The following TNFRSF13B variants were observed in gnomAD, a reference collection of about 807,000 sequenced individuals.
TNFRSF13B encodes the protein TNF receptor superfamily member 13B.
Under a neutral mutation model 24.0 loss-of-function variants are expected in TNFRSF13B, and 34 were observed. The observed-to-expected ratio is 1.41, with a 90% CI of 1.08 to 1.88. TNFRSF13B has a LOEUF of 1.88. Ranked by LOEUF, TNFRSF13B falls within the 40% of genes most tolerant of loss-of-function variation. The pLI, the probability that TNFRSF13B is intolerant of heterozygous loss-of-function variation, is 0.00. For missense variants in TNFRSF13B, 415 were observed against 380.8 expected, an observed-to-expected ratio of 1.09 and a Z score of -0.75; for synonymous variants, 173 against 150.3, an observed-to-expected ratio of 1.15 and a Z score of -1.10.
In TNFRSF13B at chr17:16,955,501, T is replaced by C. The variant is rs1310414239; in HGVS notation, c.62-2918A>G. ...CTGGAAGATGTAATCGAATAAATTG[T>C]CTAGAAAATAAGAGACAAAAGATAG... is the stretch of plus-strand genomic sequence containing the variant. On this transcript the variant is annotated intron_variant, in intron 1 of 4. Transcript: ENST00000261652. Among the ~76,000 whole-genome samples the C allele has an allele frequency of 2.0e-5, 3 of 152,210 alleles. No individual in the cohort carries two copies. The East Asian group carries it at 5.8e-4, about 29-fold the overall frequency.
intron 3 of TNFRSF13B, chr17:16,941,187 C>T: frequency 1.9e-5 from 19 of 978,312 alleles, no homozygotes; most frequent in Non-Finnish European, 2.2e-5. Flanking sequence ...CCTATCTTTT[C>T]TGAGTATTTT....
chr17:16,942,717 G>C (rs1270177557), intron 3 of TNFRSF13B, among the ~76,000 whole-genome samples: 4 of 152,198 alleles, frequency 2.6e-5, no homozygotes, highest in African/African-American at 7.2e-5. Flanking sequence ...GAAATGAACG[G>C]CGTTGATTCA....
intron 1 of TNFRSF13B, among the ~76,000 whole-genome samples, chr17:16,955,605 A>C (rs1192830762): frequency 6.6e-6 from 1 of 152,250 alleles, no homozygotes; most frequent in African/African-American, 2.4e-5. Context: ...GAAGGAGTCA[A>C]TCAAGTATCA....
intron 1 of TNFRSF13B, among the ~76,000 whole-genome samples, chr17:16,957,147 C>T (rs2087630744): frequency 6.7e-6 from 1 of 148,416 alleles, no homozygotes; most frequent in Non-Finnish European, 1.5e-5. Flanking sequence ...CTGAATTTTT[C>T]TGTGAGCCTA....
At chr17:16,971,900 G>T in intron 1 of TNFRSF13B, 115 bp downstream of exon 1, 2 of 1,029,870 alleles carry the variant, frequency 1.9e-6, no homozygotes, top group Non-Finnish European at 3.0e-6. Context: ...CTGCCCCAGT[G>T]TGTGGATCTG....
intron 1 of TNFRSF13B, among the ~76,000 whole-genome samples, chr17:16,956,320 A>G (rs1277517440): frequency 6.6e-6 from 1 of 152,270 alleles, no homozygotes; most frequent in African/African-American, 2.4e-5. Context: ...CAGTCACCAC[A>G]ACGTAACACT....
intron 3 of TNFRSF13B, among the ~76,000 whole-genome samples, chr17:16,942,762 C>T (rs1437594504): frequency 6.6e-6 from 1 of 152,226 alleles, no homozygotes; most frequent in Non-Finnish European, 1.5e-5. Context: ...ATATTTCAAA[C>T]ATTTCATCAT....
At chr17:16,954,397 GA>G (rs2087611075) in intron 1 of TNFRSF13B, among the ~76,000 whole-genome samples, 1 of 152,054 alleles carries the variant, frequency 6.6e-6, no homozygotes, top group African/African-American at 2.4e-5. Context: ...AAAAGGAAAA[GA>G]AAAAAGACCA....
At chr17:16,941,881 G>A (rs1020417485) in intron 3 of TNFRSF13B, among the ~76,000 whole-genome samples, 2 of 152,134 alleles carry the variant, frequency 1.3e-5, no homozygotes, top group African/African-American at 4.8e-5. Context: ...TTTTATGCCT[G>A]GCTCCTTGCA....
intron 1 of TNFRSF13B, among the ~76,000 whole-genome samples, chr17:16,955,684 C>T (rs2087620039): frequency 6.6e-6 from 1 of 152,184 alleles, no homozygotes; most frequent in South Asian, 2.1e-4. Context: ...CAAAAGCAAT[C>T]CTGGGATGTG....
intron 3 of TNFRSF13B, among the ~76,000 whole-genome samples, chr17:16,943,807 C>T (rs1288904146): frequency 1.3e-5 from 2 of 152,230 alleles, no homozygotes; most frequent in Non-Finnish European, 2.9e-5. Context: ...TCGTCTTCTG[C>T]CGGACAGATG....
At chr17:16,963,984 A>G (rs908057083) in intron 1 of TNFRSF13B, among the ~76,000 whole-genome samples, 1 of 152,190 alleles carries the variant, frequency 6.6e-6, no homozygotes, top group Non-Finnish European at 1.5e-5. Context: ...ATAAGGCTGC[A>G]GCCTGAGACC....
rs145711865 is a variant in TNFRSF13B, at chr17:16,939,736, G to C, written c.693C>G (p.Ser231Arg). The C allele has an allele frequency of 1.9e-5, 30 of 1,607,094 alleles. No homozygotes were observed. Among genetic ancestry groups the C allele is most frequent in the Admixed American group, 3.4e-5 (2 of 59,552 alleles). Residue 231 changes from serine to arginine, a missense_variant, in exon 5 of 5, where the codon AGC becomes AGG. Ser to Arg is a moderately radical substitution (Grantham distance 110). Transcript: ENST00000261652. The part of the protein sequence containing the change: ...STSPEPVETC[S>R]FCFPECRAPT... ...GCGCCCTGCACTCAGGGAAGCAGAA[G>C]CTGCAGGTCTCCACTGGCTCGGGGG...
At chr17:16,971,363 A>AAAAC (rs2087743157) in intron 1 of TNFRSF13B, among the ~76,000 whole-genome samples, 1 of 112,546 alleles carries the variant, frequency 8.9e-6, no homozygotes, top group African/African-American at 3.9e-5. Context: ...AACAAAAACA[A>AAAAC]AAACAAAACA....
intron 1 of TNFRSF13B, 141 bp downstream of exon 1, chr17:16,971,874 C>T: frequency 1.2e-6 from 1 of 823,192 alleles, no homozygotes; most frequent in Non-Finnish European, 2.0e-6. Context: ...TGTGCAGGAG[C>T]TTGGGGAGGC....
At chr17:16,942,860 C>T (rs1050715392) in intron 3 of TNFRSF13B, among the ~76,000 whole-genome samples, 9 of 152,252 alleles carry the variant, frequency 5.9e-5, no homozygotes, top group African/African-American at 2.2e-4. Context: ...GCCCTGTGGA[C>T]CTTCTGGGCT....
intron 1 of TNFRSF13B, among the ~76,000 whole-genome samples, chr17:16,967,434 A>G (rs969254041): frequency 1.3e-5 from 2 of 152,142 alleles, no homozygotes; most frequent in Non-Finnish European, 2.9e-5. Context: ...GTAAATGGTC[A>G]TGTATACATT....
rs140914723 is a variant in TNFRSF13B, at chr17:16,939,792, C to A, written c.637G>T (p.Ala213Ser). The change falls in exon 5 of 5, where the codon GCG (alanine) becomes TCG (serine). Residue 213 changes from alanine to serine, a missense_variant. Ala to Ser is a moderately conservative substitution (Grantham distance 99). Coordinates refer to ENST00000261652, the MANE Select transcript of TNFRSF13B (RefSeq NM_012452.3). Reference sequence around the variant, plus strand: ...CTCACAGGGCTGCCGGCTTCCATCGCGTGATCTGCAGAGGCGAGAGTGGAG... The same window carrying A: ...CTCACAGGGCTGCCGGCTTCCATCGAGTGATCTGCAGAGGCGAGAGTGGAG... Reference protein sequence around the residue: ...QSPAKSSQDHAMEAGSPVSTS... With the variant: ...QSPAKSSQDHSMEAGSPVSTS... 1.9e-6 allele frequency: 3 copies of A among 1,611,366 alleles called. No homozygotes were observed. Among genetic ancestry groups the A allele is most frequent in the South Asian group, 1.1e-5 (1 of 90,826 alleles).
intron 1 of TNFRSF13B, among the ~76,000 whole-genome samples, chr17:16,962,482 G>A (rs2087668773): frequency 6.6e-6 from 1 of 151,600 alleles, no homozygotes; most frequent in African/African-American, 2.4e-5. Flanking sequence ...ACTCCAGCCT[G>A]GGCCACAGAG....
Sources: allele counts gnomAD v4.1 joint callset (sites outside exome capture counted in the v4.1 genomes callset), GRCh38; gene constraint gnomAD v4.1.1; transcripts MANE v1.5; gene names NCBI Gene and HGNC (gene_info 2026-07-23, HGNC 2026-07-21).